TSPAN5: variants seen among roughly 807,000 people sequenced by gnomAD.
TSPAN5 encodes the protein tetraspanin 5.
Under a neutral mutation model 37.1 loss-of-function variants are expected in TSPAN5, and 10 were observed. The observed-to-expected ratio is 0.27, with a 90% confidence interval of 0.17 to 0.46. TSPAN5 has a LOEUF of 0.46. TSPAN5 is among the 20% of genes least tolerant of loss of function. The pLI is 1.00. For synonymous variants in TSPAN5, 110 were observed against 118.9 expected, an observed-to-expected ratio of 0.93 and a Z score of 0.48; for missense variants, 195 against 326.6, an observed-to-expected ratio of 0.60 and a Z score of 3.11.
At chr4:98,615,235 A>T (rs898140185) in intron 1 of TSPAN5, among the ~76,000 whole-genome samples, 2 of 152,164 alleles carry the variant, frequency 1.3e-5, no homozygotes, top group Admixed American at 1.3e-4. Flanking sequence ...GGACCAAGAG[A>T]GCCTAATGCC....
chr4:98,486,049 A>G (rs6854915), intron 3 of TSPAN5, among the ~76,000 whole-genome samples: 78,498 of 151,872 alleles, frequency 0.52, 22,021 homozygotes, highest in Non-Finnish European at 0.63. Flanking sequence ...AACCCTATAT[A>G]AGATACATAA....
chr4:98,535,459 T>G (rs1019946535), intron 1 of TSPAN5, among the ~76,000 whole-genome samples: 1 of 152,226 alleles, frequency 6.6e-6, no homozygotes, highest in Admixed American at 6.5e-5. Flanking sequence ...ATGGCTGCCC[T>G]TAACATTTTT....
chr4:98,499,888 C>T (rs1753305735), intron 2 of TSPAN5, among the ~76,000 whole-genome samples: 2 of 152,030 alleles, frequency 1.3e-5, no homozygotes, highest in South Asian at 4.2e-4. Flanking sequence ...TTTCGATCTC[C>T]TGACCTCGTG....
intron 1 of TSPAN5, among the ~76,000 whole-genome samples, chr4:98,632,430 C>A (rs901475598): frequency 1.3e-5 from 2 of 152,132 alleles, no homozygotes; most frequent in African/African-American, 2.4e-5. Flanking sequence ...TATCACTGGG[C>A]TTTAGAAGGG....
intron 1 of TSPAN5, among the ~76,000 whole-genome samples, chr4:98,634,813 A>G (rs916160244): frequency 6.6e-6 from 1 of 152,224 alleles, no homozygotes; most frequent in Non-Finnish European, 1.5e-5. Context: ...AGGAGAAGAT[A>G]ATGAAAGGGA....
At chr4:98,530,613 G>T (rs1467024981) in intron 1 of TSPAN5, among the ~76,000 whole-genome samples, 2 of 152,188 alleles carry the variant, frequency 1.3e-5, no homozygotes, top group Non-Finnish European at 2.9e-5. Flanking sequence ...CTGAGACACA[G>T]ATATTTAGAA....
At chr4:98,507,880 A>C in intron 1 of TSPAN5, 152 bp from the exon 2 acceptor site, 1 of 587,142 alleles carries the variant, frequency 1.7e-6, no homozygotes, top group Non-Finnish European at 2.9e-6. Flanking sequence ...AATAAATACC[A>C]TAATCCCCCT....
At chr4:98,532,767 C>T (rs1191378898) in intron 1 of TSPAN5, among the ~76,000 whole-genome samples, 5 of 152,126 alleles carry the variant, frequency 3.3e-5, no homozygotes, top group Admixed American at 2.0e-4. Context: ...CTGTCTTGTG[C>T]CAGTTTTCAA....
intron 1 of TSPAN5, among the ~76,000 whole-genome samples, chr4:98,573,467 C>A (rs1755170182): frequency 6.6e-6 from 1 of 152,214 alleles, no homozygotes; most frequent in African/African-American, 2.4e-5. Context: ...AACTCCTGCG[C>A]TCAAGTGATC....
At chr4:98,572,076 T>G (rs1201922826) in intron 1 of TSPAN5, among the ~76,000 whole-genome samples, 2 of 152,086 alleles carry the variant, frequency 1.3e-5, no homozygotes, top group South Asian at 2.1e-4. Flanking sequence ...CGGGTTCAAG[T>G]GATTCTCATG....
At chr4:98,476,694 G>A (rs948348462) in intron 5 of TSPAN5, among the ~76,000 whole-genome samples, 1 of 152,166 alleles carries the variant, frequency 6.6e-6, no homozygotes, top group African/African-American at 2.4e-5. Flanking sequence ...CTAAGGCTTG[G>A]GGAATATCAG....
chr4:98,631,620 G>A (rs1245222755), intron 1 of TSPAN5, among the ~76,000 whole-genome samples: 2 of 152,168 alleles, frequency 1.3e-5, no homozygotes, highest in Non-Finnish European at 1.5e-5. Flanking sequence ...AGGAAGCCAG[G>A]CCTGAGAGGG....
At chr4:98,531,237 A>G (rs1042117025) in intron 1 of TSPAN5, among the ~76,000 whole-genome samples, 2 of 151,880 alleles carry the variant, frequency 1.3e-5, no homozygotes, top group Non-Finnish European at 2.9e-5. Flanking sequence ...ACCCCACGAC[A>G]GGCCCCAGTA....
chr4:98,504,190 C>G (rs1578952421), intron 2 of TSPAN5, among the ~76,000 whole-genome samples: 2 of 152,136 alleles, frequency 1.3e-5, no homozygotes, highest in African/African-American at 4.8e-5. Context: ...CTCATCCTTC[C>G]AGCTATGATC....
At chr4:98,486,620 GC>G in intron 3 of TSPAN5, 117 bp downstream of exon 3, 1 of 1,124,284 alleles carries the variant, frequency 8.9e-7, no homozygotes. Context: ...AATGACCTGG[GC>G]CCTACTTTGG....
chr4:98,478,337 T>C (rs899605118), intron 5 of TSPAN5, among the ~76,000 whole-genome samples: 1 of 152,220 alleles, frequency 6.6e-6, no homozygotes, highest in African/African-American at 2.4e-5. Context: ...TTCCACTCCA[T>C]TGCCTGCTAG....
intron 1 of TSPAN5, among the ~76,000 whole-genome samples, chr4:98,517,714 G>T (rs1222350001): frequency 1.5e-4 from 23 of 152,126 alleles, no homozygotes; most frequent in Admixed American, 1.5e-3. Flanking sequence ...AAGCAATGCA[G>T]GCACGTAAAA....
rs187985731 is a variant in TSPAN5 at position 98,507,771 on chromosome 4, G to A, written c.82-43C>T. On this transcript the variant is annotated intron_variant, in intron 1 of 7. Coordinates refer to ENST00000305798, the MANE Select transcript of TSPAN5 (RefSeq NM_005723.4). ...CAGTGTAAATATAAGGGAAAATGCC[G>A]CTAATATAAAGAAGAAACTTTTCAA... The A allele has an allele frequency of 8.6e-4, 1,223 of 1,423,748 alleles. 3 individuals carry two copies. The highest frequency in any genetic ancestry group is 1.1e-3 in the Non-Finnish European group (1,110 of 1,031,086). The allele number at this position is 1,423,748 out of a possible 1,614,324, so 88.2% of individuals were successfully genotyped here.
intron 1 of TSPAN5, among the ~76,000 whole-genome samples, chr4:98,611,058 T>G (rs1487757693): frequency 6.6e-6 from 1 of 152,152 alleles, no homozygotes; most frequent in Non-Finnish European, 1.5e-5. Context: ...TAAGACATGG[T>G]GACAAACGGA....
Sources: gnomAD v4.1 joint callset for allele counts (sites outside exome capture counted in the v4.1 genomes callset) on GRCh38, gnomAD v4.1.1 for gene constraint, MANE v1.5 for transcripts, NCBI Gene and HGNC (gene_info 2026-07-23, HGNC 2026-07-21) for gene names.